Variants in WDR93 observed in about 807,000 individuals in gnomAD.
WDR93 encodes the protein WD repeat domain 93, also known as WD repeat-containing protein 93.
In WDR93, 73 loss-of-function variants were observed where a neutral mutation model predicts 82.9. The observed-to-expected ratio is 0.88, with a 90% CI of 0.73 to 1.07. The LOEUF (loss-of-function observed/expected upper bound fraction) is 1.07. Ranked by LOEUF, WDR93 falls within the 50% of genes least tolerant of loss-of-function variation. WDR93 has a pLI of 0.00. For synonymous variants in WDR93, 283 were observed against 300.1 expected, an observed-to-expected ratio of 0.94 and a Z score of 0.59; for missense variants, 738 against 826.0, an observed-to-expected ratio of 0.89 and a Z score of 1.31.
In WDR93 at chr15:89,717,655, C is replaced by G. The variant is rs1465436202; in HGVS notation, c.795+706C>G. The stretch of plus-strand genomic sequence containing the variant: ...AATTAGCAAAGGTAACATATTGTAA[C>G]CATAATCACTTAATTCCACTACCTC... On this transcript the variant is annotated intron_variant, in intron 7 of 16. Transcript: ENST00000268130. 2.0e-5 allele frequency among the ~76,000 whole-genome samples: 3 copies of G among 152,292 alleles called. No individual in the cohort carries two copies. The East Asian group carries it at 5.8e-4, about 29-fold the overall frequency.
At position 89,705,519 on chromosome 15, in the gene WDR93, C is replaced by A. The variant is rs1567102833; in HGVS notation, c.497-35C>A. 4 of 1,261,196 alleles carry A rather than the reference C, an allele frequency of 3.2e-6. No homozygotes were observed. In the South Asian group the frequency reaches 4.8e-5, roughly 15 times the overall value. The allele number at this position is 1,261,196 out of a possible 1,614,324, so 78.1% of individuals were successfully genotyped here. On this transcript the variant is annotated intron_variant, in intron 3 of 16. Transcript: ENST00000268130. ...TCCAGTTTCTCTTCAGCTCAATTGT[C>A]TGTCTTAACATTCTCACTTATTTTT...
intron 8 of WDR93, among the ~76,000 whole-genome samples, chr15:89,722,382 C>G (rs1304234546): frequency 6.6e-6 from 1 of 152,200 alleles, no homozygotes; most frequent in Non-Finnish European, 1.5e-5. Flanking sequence ...GATATCTTTT[C>G]TGAATTGCCA....
At chr15:89,697,734 A>T (rs1479529909) in intron 1 of WDR93, among the ~76,000 whole-genome samples, 1 of 152,146 alleles carries the variant, frequency 6.6e-6, no homozygotes, top group Non-Finnish European at 1.5e-5. Flanking sequence ...AGAAGAGGGT[A>T]TTGAAATCTC....
intron 5 of WDR93, among the ~76,000 whole-genome samples, chr15:89,713,098 G>A (rs1372813221): frequency 5.4e-5 from 8 of 148,738 alleles, no homozygotes; most frequent in Admixed American, 5.4e-4. Context: ...ACTCCAGCCT[G>A]GGCAACAAAG....
chr15:89,710,463 T>G (rs1965926405), intron 4 of WDR93, among the ~76,000 whole-genome samples: 1 of 152,168 alleles, frequency 6.6e-6, no homozygotes, highest in Non-Finnish European at 1.5e-5. Flanking sequence ...TACGGTAACT[T>G]TCTAGGATAA....
chr15:89,729,016 T>G lies in WDR93; in HGVS notation c.1053-7T>G. ...ATGGCTCTGACTCGTGTGTCTTTCTTTCCCAGTACGGCCACCTTCTATTTC... is the reference window on the plus strand; with the variant it reads ...ATGGCTCTGACTCGTGTGTCTTTCTGTCCCAGTACGGCCACCTTCTATTTC... On this transcript the variant is annotated splice_polypyrimidine_tract_variant and splice_region_variant and intron_variant, in intron 9 of 16. Transcript: ENST00000268130. The G allele has an allele frequency of 6.2e-7, 1 of 1,613,980 alleles. No homozygotes were observed. Among genetic ancestry groups the G allele is most frequent in the Non-Finnish European group, 8.5e-7 (1 of 1,179,822 alleles).
At chr15:89,731,248 T>C (rs746694416) in intron 11 of WDR93, among the ~76,000 whole-genome samples, 195 bp from the exon 12 acceptor site, 12 of 152,208 alleles carry the variant, frequency 7.9e-5, no homozygotes, top group Non-Finnish European at 1.6e-4. Flanking sequence ...TAATAAACAG[T>C]GTGACATTAT....
At chr15:89,696,608 C>G (rs1596063406) in intron 1 of WDR93, among the ~76,000 whole-genome samples, 1 of 152,098 alleles carries the variant, frequency 6.6e-6, no homozygotes, top group Non-Finnish European at 1.5e-5. Flanking sequence ...AATCCTCCCA[C>G]CTCAGCCTCC....
intron 8 of WDR93, among the ~76,000 whole-genome samples, chr15:89,726,252 C>T (rs946224034): frequency 6.6e-6 from 1 of 152,190 alleles, no homozygotes; most frequent in Non-Finnish European, 1.5e-5. Flanking sequence ...ACACAACCCC[C>T]ATCTCAAAAA....
chr15:89,727,114 G>A, intron 8 of WDR93, 43 bp from the exon 9 acceptor site: 1 of 1,588,386 alleles, frequency 6.3e-7, no homozygotes, highest in Non-Finnish European at 8.6e-7. Flanking sequence ...CAGGAAAGGG[G>A]GAGTCACATG....
chr15:89,727,157 G>T lies in WDR93; in HGVS notation c.881G>T (p.Gly294Val). 1 of 1,613,286 alleles carries T rather than the reference G, an allele frequency of 6.2e-7. No individual in the cohort carries two copies. Among genetic ancestry groups the T allele is most frequent in the Non-Finnish European group, 8.5e-7 (1 of 1,179,480 alleles). Reference sequence around the variant, plus strand: ...TAATTCTGTAATATTTTCAACCTAGGCACCACATTCAAAAGCCCCCTGGAA... The same window carrying T: ...TAATTCTGTAATATTTTCAACCTAGTCACCACATTCAAAAGCCCCCTGGAA... Reference protein sequence around the residue: ...MKIKPPKPVTGTTFKSPLEVF... With the variant: ...MKIKPPKPVTVTTFKSPLEVF... Residue 294 changes from glycine (G) to valine (V), a missense_variant and splice_region_variant, in exon 9 of 17, where the codon GGC (glycine) becomes GTC (valine). Physicochemically the swap from Gly to Val is moderately radical, Grantham distance 109. Transcript: ENST00000268130.
intron 7 of WDR93, chr15:89,721,532 T>A (rs12916781): frequency 0.43 from 65,734 of 153,550 alleles, 14,621 homozygotes; most frequent in African/African-American, 0.49. Context: ...GCAGCCTGGG[T>A]GACAGAGCAA....
intron 8 of WDR93, among the ~76,000 whole-genome samples, chr15:89,723,806 A>C (rs1966622423): frequency 6.6e-6 from 1 of 152,184 alleles, no homozygotes; most frequent in Non-Finnish European, 1.5e-5. Flanking sequence ...CAAAAATAAA[A>C]CTTAACCCCT....
At chr15:89,709,675 C>T (rs553935757) in intron 4 of WDR93, among the ~76,000 whole-genome samples, 42 of 152,172 alleles carry the variant, frequency 2.8e-4, no homozygotes, top group African/African-American at 9.6e-4. Flanking sequence ...TGGTCTTGAA[C>T]TCCTGGACCC....
At chr15:89,690,587 G>A (rs558688111), upstream of WDR93, 10 of 1,551,294 alleles carry the variant, frequency 6.4e-6, no homozygotes, top group South Asian at 8.3e-5. Context: ...CTGAAGAGTC[G>A]GTCCCGGCCC....
rs1422032384 is a variant in WDR93, at chr15:89,720,524, A to G, written c.796-1531A>G. On this transcript the variant is annotated intron_variant, in intron 7 of 16. Transcript: ENST00000268130. The stretch of plus-strand genomic sequence containing the variant: ...CTGACCTCGTGATTCGCCCGCCTCG[A>G]CCTCCCAAAGTGCTGGAATTATAGG... Among the ~76,000 whole-genome samples the G allele has an allele frequency of 3.3e-5, 5 of 151,044 alleles. No homozygotes were observed. In the East Asian group the frequency reaches 9.7e-4, roughly 29 times the overall value.
intron 1 of WDR93, among the ~76,000 whole-genome samples, 160 bp from the exon 2 acceptor site, chr15:89,701,547 G>A (rs1965464554): frequency 6.6e-6 from 1 of 152,180 alleles, no homozygotes; most frequent in Admixed American, 6.5e-5. Context: ...AATATGAAGA[G>A]CATATCCTAA....
At chr15:89,721,586 T>G (rs1403579142) in intron 7 of WDR93, among the ~76,000 whole-genome samples, 1 of 152,234 alleles carries the variant, frequency 6.6e-6, no homozygotes, top group African/African-American at 2.4e-5. Context: ...AGTTTCTTTT[T>G]GACCTCATAT....
At chr15:89,710,159 CAAAACA>C (rs918375096) in intron 4 of WDR93, among the ~76,000 whole-genome samples, 2 of 151,794 alleles carry the variant, frequency 1.3e-5, no homozygotes, top group African/African-American at 4.8e-5. Context: ...GACTCCGTCT[CAAAACA>C]AAAACAAAAA....
Sources: allele counts gnomAD v4.1 joint callset (sites outside exome capture counted in the v4.1 genomes callset), GRCh38; gene constraint gnomAD v4.1.1; transcripts MANE v1.5; gene names NCBI Gene and HGNC (gene_info 2026-07-23, HGNC 2026-07-21).